Variants in USP6NL observed in about 807,000 individuals in gnomAD.
USP6NL encodes the protein USP6 N-terminal-like protein.
Under a neutral mutation model 61.9 loss-of-function variants are expected in USP6NL, and 26 were observed. The observed-to-expected ratio is 0.42, with a 90% CI of 0.31 to 0.58. The LOEUF is 0.58. USP6NL is among the 20% of genes least tolerant of loss of function. The pLI is 0.16. For synonymous variants in USP6NL, 432 were observed against 390.1 expected, an observed-to-expected ratio of 1.11 and a Z score of -1.27; for missense variants, 1,114 against 1,034.3, an observed-to-expected ratio of 1.08 and a Z score of -1.06.
intron 2 of USP6NL, among the ~76,000 whole-genome samples, chr10:11,538,631 A>C (rs1015933206): frequency 1.3e-5 from 2 of 152,238 alleles, no homozygotes; most frequent in Non-Finnish European, 2.9e-5. Flanking sequence ...GCTAATTTCC[A>C]TATACACCTT....
At chr10:11,509,133 T>G (rs1327854780) in intron 6 of USP6NL, among the ~76,000 whole-genome samples, 1 of 152,168 alleles carries the variant, frequency 6.6e-6, no homozygotes, top group Admixed American at 6.5e-5. Context: ...TAGAAGCTTT[T>G]GAAAAAGGAG....
rs1284688678 is a variant in USP6NL, at chr10:11,602,022, GA to G, written c.-83-4306del. On this transcript the variant is annotated intron_variant, in intron 1 of 14. Transcript: ENST00000609104. The surrounding 1 kb of genome is among the most constrained non-coding windows in gnomAD (Gnocchi z 4.8). Reference sequence around the variant, plus strand: ...AAAAAAGAAGAAAATGTCCTTCATTGATGTATTATTTGTAATAGCAATATAT... The same window carrying G: ...AAAAAAGAAGAAAATGTCCTTCATTGTGTATTATTTGTAATAGCAATATAT... 6.6e-6 allele frequency among the ~76,000 whole-genome samples: 1 copy of G among 151,954 alleles called. No individual in the cohort carries two copies. The highest frequency in any genetic ancestry group is 1.5e-5 in the Non-Finnish European group (1 of 67,986).
rs1244203351 is a variant in USP6NL at position 11,485,781 on chromosome 10, G to C, written c.759+36C>G. 1 of 1,381,404 alleles carries C rather than the reference G, an allele frequency of 7.2e-7. No homozygotes were observed. Among genetic ancestry groups the C allele is most frequent in the Non-Finnish European group, 9.9e-7 (1 of 1,012,218 alleles). 85.6% of individuals were successfully genotyped at this position (1,381,404 alleles called of 1,614,324 possible). The stretch of plus-strand genomic sequence containing the variant: ...TTATCCCAGCTTTTTTTGGGGGGTG[G>C]GTAGGTGGGTGTAAGTCAGTGGCAC... On this transcript the variant is annotated intron_variant, in intron 11 of 14. Coordinates refer to ENST00000609104, the MANE Select transcript of USP6NL (RefSeq NM_014688.5). The surrounding 1 kb of genome is among the most constrained non-coding windows in gnomAD (Gnocchi z 4.8).
intron 6 of USP6NL, among the ~76,000 whole-genome samples, chr10:11,503,257 T>C (rs1239118776): frequency 6.6e-6 from 1 of 152,198 alleles, no homozygotes; most frequent in Non-Finnish European, 1.5e-5. Flanking sequence ...AGTAAAATAA[T>C]GACATTTTTA....
intron 2 of USP6NL, among the ~76,000 whole-genome samples, chr10:11,530,257 T>C (rs1835600502): frequency 6.6e-6 from 1 of 152,192 alleles, no homozygotes; most frequent in Non-Finnish European, 1.5e-5. Context: ...ATGTCTTTTA[T>C]ACCAGTCCCT....
rs1832311177 is a variant in USP6NL, at chr10:11,463,856, A to C, written c.1079-7T>G. The C allele has an allele frequency of 3.4e-6, 5 of 1,457,300 alleles. No individual in the cohort carries two copies. In the East Asian group the frequency reaches 1.0e-4, roughly 29 times the overall value. The allele number at this position is 1,457,300 out of a possible 1,614,324, so 90.3% of individuals were successfully genotyped here. ...GGATATTCATCCTCTTTACCTGAAA[A>C]GAAAGAGAAAGGCTAAGTAAGATAA... On this transcript the variant is annotated splice_region_variant and splice_polypyrimidine_tract_variant and intron_variant, in intron 14 of 14. Coordinates refer to ENST00000609104, the MANE Select transcript of USP6NL (RefSeq NM_014688.5). This position sits in a 1 kb window ranked among gnomAD's most constrained non-coding sequence, Gnocchi z 6.3.
intron 2 of USP6NL, among the ~76,000 whole-genome samples, chr10:11,535,717 T>C (rs1835806636): frequency 1.3e-5 from 2 of 152,232 alleles, no homozygotes; most frequent in African/African-American, 4.8e-5. Flanking sequence ...TATTTGTGTC[T>C]TTCAACCAAA....
At chr10:11,502,270 A>C (rs557999098) in intron 6 of USP6NL, among the ~76,000 whole-genome samples, 1 of 152,112 alleles carries the variant, frequency 6.6e-6, no homozygotes, top group South Asian at 2.1e-4. Flanking sequence ...AAAAAAAAAA[A>C]AAAAGAAACA....
intron 2 of USP6NL, among the ~76,000 whole-genome samples, chr10:11,594,288 T>A (rs975815884): frequency 6.6e-6 from 1 of 152,172 alleles, no homozygotes; most frequent in African/African-American, 2.4e-5. Flanking sequence ...AAAAGAAATG[T>A]AACTCAGTCT....
At chr10:11,488,238 C>A (rs1471548176) in intron 10 of USP6NL, among the ~76,000 whole-genome samples, 1 of 151,976 alleles carries the variant, frequency 6.6e-6, no homozygotes, top group Non-Finnish European at 1.5e-5. Context: ...ATAAGGAGAC[C>A]TCATCTCTAC....
chr10:11,488,232 G>T (rs1189533838), intron 10 of USP6NL, among the ~76,000 whole-genome samples: 1 of 152,028 alleles, frequency 6.6e-6, no homozygotes, highest in African/African-American at 2.4e-5. Context: ...CTCAACATAA[G>T]GAGACCTCAT....
At position 11,594,945 on chromosome 10, in the gene USP6NL, G is replaced by A. The variant is rs562014968; in HGVS notation, c.4+2686C>T. Reference sequence around the variant, plus strand: ...AATACAGCTTGATGGGTCCCAGAAGGAGGCAGGCAGAGTGCTATGGAGAAG... The same window carrying A: ...AATACAGCTTGATGGGTCCCAGAAGAAGGCAGGCAGAGTGCTATGGAGAAG... On this transcript the variant is annotated intron_variant, in intron 2 of 14. Transcript: ENST00000609104. Among the ~76,000 whole-genome samples, 9 of 152,314 alleles carry A rather than the reference G, an allele frequency of 5.9e-5. No individual in the cohort carries two copies. The South Asian group carries it at 1.7e-3, about 28-fold the overall frequency.
intron 14 of USP6NL, among the ~76,000 whole-genome samples, chr10:11,469,404 T>A (rs1450921382): frequency 6.6e-6 from 1 of 152,158 alleles, no homozygotes; most frequent in Admixed American, 6.5e-5. Flanking sequence ...GTTATAAATA[T>A]CCAAGATCCA....
chr10:11,481,772 G>C lies in USP6NL; in HGVS notation c.1076C>G (p.Pro359Arg). ...TAAAGTATTGGGGTAATTCTTACCA[G>C]GTTCTGGAAGGTCTAACTTTGCCCG... The part of the protein sequence containing the change: ...LKRAKLDLPE[P>R]GKEDEYPKKP... The change falls in exon 14 of 15, where the codon CCT becomes CGT. Residue 359 changes from proline (P) to arginine (R), a missense_variant and splice_region_variant. Pro to Arg is a moderately radical substitution (Grantham distance 103, BLOSUM62 -2). Transcript: ENST00000609104. This position sits in a 1 kb window ranked among gnomAD's most constrained non-coding sequence, Gnocchi z 4.4. The C allele has an allele frequency of 6.2e-7, 1 of 1,604,928 alleles. No individual in the cohort carries two copies. The highest frequency in any genetic ancestry group is 2.2e-5 in the East Asian group (1 of 44,820).
intron 14 of USP6NL, among the ~76,000 whole-genome samples, chr10:11,475,922 A>C (rs778324227): frequency 2.6e-5 from 4 of 152,174 alleles, no homozygotes; most frequent in Admixed American, 6.5e-5. Flanking sequence ...AATCTTATTA[A>C]ACTGCTACAT....
rs565325650 is a variant in USP6NL at position 11,564,730 on chromosome 10, T to C, written c.4+32901A>G. The C allele has an allele frequency of 2.6e-5, 4 of 152,310 alleles. No homozygotes were observed. The East Asian group carries it at 7.7e-4, about 29-fold the overall frequency. The allele number at this position is 152,310 out of a possible 1,614,324, so 9.4% of individuals were successfully genotyped here. On this transcript the variant is annotated intron_variant, in intron 2 of 14. Transcript: ENST00000609104. ...TCTACCAGTTCCCAGCTATCCCCTA[T>C]GATACACCTAAAAAATCTGAGAAAG...
intron 3 of USP6NL, among the ~76,000 whole-genome samples, chr10:11,526,529 C>T (rs1437495754): frequency 6.6e-6 from 1 of 152,134 alleles, no homozygotes; most frequent in East Asian, 1.9e-4. Flanking sequence ...TCATGGACTA[C>T]AATAAAACCT....
Position 11,463,756 on chromosome 10 carries a change from C to G in USP6NL, c.1172G>C (p.Ser391Thr). The stretch of plus-strand genomic sequence containing the variant: ...GGCCAGCGGGCTCGGCCGGCCCACG[C>G]TCCTCTGTCCGTTGCTCAAGTGATG... Reference protein sequence around the residue: ...GVHHLSNGQRSVGRPSPLASG... With the variant: ...GVHHLSNGQRTVGRPSPLASG... Residue 391 changes from serine (S) to threonine (T), a missense_variant, in exon 15 of 15, where the codon AGC becomes ACC. Physicochemically the swap from Ser to Thr is moderately conservative, Grantham distance 58. Coordinates refer to ENST00000609104, the MANE Select transcript of USP6NL (RefSeq NM_014688.5). The surrounding 1 kb of genome is among the most constrained non-coding windows in gnomAD (Gnocchi z 6.3). 3 of 1,577,112 alleles carry G rather than the reference C, an allele frequency of 1.9e-6. No homozygotes were observed. Among genetic ancestry groups the G allele is most frequent in the Non-Finnish European group, 2.6e-6 (3 of 1,161,036 alleles).
chr10:11,461,034 C>G lies in USP6NL; in HGVS notation c.*1407G>C, dbSNP rs2096212453. The G allele has an allele frequency of 6.6e-6, 1 of 152,236 alleles. No individual in the cohort carries two copies. 9.4% of individuals were successfully genotyped at this position (152,236 alleles called of 1,614,324 possible). Reference sequence around the variant, plus strand: ...CGTTACTTCCATTTTAAAAGACATACTTTTGTACCTTGAAAGTTTAAAGCC... The same window carrying G: ...CGTTACTTCCATTTTAAAAGACATAGTTTTGTACCTTGAAAGTTTAAAGCC... On this transcript the variant is annotated 3_prime_UTR_variant, in exon 15 of 15. Transcript: ENST00000609104.
Sources: gnomAD v4.1 joint callset for allele counts (sites outside exome capture counted in the v4.1 genomes callset) on GRCh38, gnomAD v4.1.1 for gene constraint, Gnocchi (gnomAD v3.1) non-coding constraint, MANE v1.5 for transcripts, NCBI Gene and HGNC (gene_info 2026-07-23, HGNC 2026-07-21) for gene names.